Variants in MUCL1 observed in about 807,000 individuals in gnomAD.
The protein encoded by MUCL1 is mucin-like protein 1.
A neutral mutation model predicts 9.2 loss-of-function variants in MUCL1; 11 were observed. That is an observed-to-expected ratio of 1.19 (90% CI 0.75 to 1.97). The LOEUF is 1.97. Ranked by LOEUF, MUCL1 falls within the 30% of genes most tolerant of loss-of-function variation. The pLI is 0.00. For missense variants in MUCL1, 144 were observed against 110.9 expected, an observed-to-expected ratio of 1.30 and a Z score of -1.34; for synonymous variants, 48 against 40.5, an observed-to-expected ratio of 1.19 and a Z score of -0.71.
At chr12:54,853,009 C>A (rs1014692102), upstream of MUCL1, among the ~76,000 whole-genome samples, 1 of 152,050 alleles carries the variant, frequency 6.6e-6, no homozygotes, top group African/African-American at 2.4e-5. Flanking sequence ...GGTTGAAGAC[C>A]ACTCCCTCAA....
At chr12:54,836,819 A>G (rs925309231), upstream of MUCL1, among the ~76,000 whole-genome samples, 1 of 152,138 alleles carries the variant, frequency 6.6e-6, no homozygotes, top group African/African-American at 2.4e-5. Context: ...TTGAATTTTC[A>G]TCTTGATTTC....
chr12:54,846,338 C>T (rs56881338), intron 1 of MUCL1, among the ~76,000 whole-genome samples: 6,677 of 152,268 alleles, frequency 0.044, 172 homozygotes, highest in Middle Eastern at 0.11. Flanking sequence ...TGCCCGTCTG[C>T]ATGTTCCTCC....
At chr12:54,839,125 T>C (rs1382253621), upstream of MUCL1, among the ~76,000 whole-genome samples, 1 of 151,752 alleles carries the variant, frequency 6.6e-6, no homozygotes, top group Non-Finnish European at 1.5e-5. Context: ...ATTGAGGATG[T>C]GACCTTATCA....
rs570134637 is a variant in MUCL1, at chr12:54,843,482, G to A, written c.43+4035G>A. ...CTGAAACCTGCATTTATGTTAGATG[G>A]TATGGAAAGGTGTGATTAAGGTCGC... is the stretch of plus-strand genomic sequence containing the variant. On this transcript the variant is annotated intron_variant, in intron 1 of 3. Transcript: ENST00000546809. 1.8e-4 allele frequency among the ~76,000 whole-genome samples: 28 copies of A among 152,310 alleles called. No homozygotes were observed. The South Asian group carries it at 4.3e-3, about 24-fold the overall frequency.
upstream of MUCL1, among the ~76,000 whole-genome samples, chr12:54,839,215 G>A (rs1041575986): frequency 6.6e-6 from 1 of 152,154 alleles, no homozygotes; most frequent in Non-Finnish European, 1.5e-5. Context: ...GTTATAGAGA[G>A]TCTTTGTATA....
At chr12:54,833,393 A>G (rs1959187932) in intron 1 of MUCL1, among the ~76,000 whole-genome samples, 1 of 152,178 alleles carries the variant, frequency 6.6e-6, no homozygotes, top group Admixed American at 6.5e-5. Context: ...ATATCTTTAC[A>G]GTTATATACA....
chr12:54,838,800 C>T (rs1184304721), upstream of MUCL1, among the ~76,000 whole-genome samples: 1 of 151,980 alleles, frequency 6.6e-6, no homozygotes. Flanking sequence ...ATATCTATCT[C>T]TTTAGAAAAT....
upstream of MUCL1, among the ~76,000 whole-genome samples, chr12:54,852,818 T>C (rs1868265221): frequency 1.3e-5 from 2 of 152,198 alleles, no homozygotes; most frequent in Admixed American, 6.5e-5. Flanking sequence ...AGATAGTATC[T>C]GTCTTTTAAG....
At chr12:54,846,002 A>C (rs1959248256) in intron 1 of MUCL1, among the ~76,000 whole-genome samples, 1 of 152,144 alleles carries the variant, frequency 6.6e-6, no homozygotes, top group Non-Finnish European at 1.5e-5. Flanking sequence ...CTGCAAAAAA[A>C]ACTTGTAGCT....
chr12:54,854,313 A>G (rs531635635), upstream of MUCL1, among the ~76,000 whole-genome samples: 28 of 152,304 alleles, frequency 1.8e-4, 1 homozygote, highest in Admixed American at 1.7e-3. Flanking sequence ...CATATTTAAC[A>G]TGAGAGACTC....
intron 1 of MUCL1, among the ~76,000 whole-genome samples, chr12:54,831,726 A>G (rs1311051818): frequency 1.3e-5 from 2 of 152,152 alleles, no homozygotes; most frequent in African/African-American, 2.4e-5. Context: ...TTTATACAGT[A>G]TAAAGAGACT....
chr12:54,855,167 C>A lies in MUCL1; in HGVS notation c.100+10C>A. ...GACACGTATCCAGCTAGTGAGTCTG[C>A]ACTTGAATGTCATCTCTTTCCAGCA... On this transcript the variant is annotated intron_variant, in intron 2 of 3. Transcript: ENST00000308796. The A allele has an allele frequency of 1.2e-6, 2 of 1,612,104 alleles. No homozygotes were observed. The highest frequency in any genetic ancestry group is 1.1e-5 in the South Asian group (1 of 91,016).
chr12:54,835,810 CT>C (rs1416309451), upstream of MUCL1, among the ~76,000 whole-genome samples: 1 of 152,030 alleles, frequency 6.6e-6, no homozygotes, highest in Non-Finnish European at 1.5e-5. Flanking sequence ...TGATTGAATG[CT>C]TTTTCTGTGT....
chr12:54,834,663 C>T (rs1959189960), upstream of MUCL1, among the ~76,000 whole-genome samples: 1 of 151,884 alleles, frequency 6.6e-6, no homozygotes, highest in African/African-American at 2.4e-5. Flanking sequence ...AATACAGTAT[C>T]ATTAATCATA....
upstream of MUCL1, among the ~76,000 whole-genome samples, chr12:54,852,870 C>G (rs1868265790): frequency 6.6e-6 from 1 of 152,144 alleles, no homozygotes. Context: ...TTCTCTTTCA[C>G]TTTTCCTTCA....
intron 1 of MUCL1, among the ~76,000 whole-genome samples, chr12:54,832,281 T>C (rs1959186352): frequency 6.6e-6 from 1 of 152,096 alleles, no homozygotes; most frequent in South Asian, 2.1e-4. Flanking sequence ...TATGGCTTTC[T>C]TTCTGTTAAA....
chr12:54,841,188 A>G (rs578039378), intron 1 of MUCL1, among the ~76,000 whole-genome samples: 5 of 152,326 alleles, frequency 3.3e-5, no homozygotes, highest in Admixed American at 6.5e-5. Flanking sequence ...TAGCCTAAAT[A>G]ATACATACAT....
At chr12:54,850,414 G>C (rs547718254), upstream of MUCL1, among the ~76,000 whole-genome samples, 1 of 151,234 alleles carries the variant, frequency 6.6e-6, no homozygotes, top group Non-Finnish European at 1.5e-5. Flanking sequence ...ACGGTGTTTG[G>C]TTTTTTGTCC....
chr12:54,855,768 T>A (rs1868294018), intron 2 of MUCL1, among the ~76,000 whole-genome samples: 1 of 152,258 alleles, frequency 6.6e-6, no homozygotes, highest in Non-Finnish European at 1.5e-5. Context: ...GTGTGTGTGT[T>A]GTGCCCATGC....
Sources: gnomAD v4.1 joint callset for allele counts (sites outside exome capture counted in the v4.1 genomes callset) on GRCh38, gnomAD v4.1.1 for gene constraint, MANE v1.5 for transcripts, NCBI Gene and HGNC (gene_info 2026-07-23, HGNC 2026-07-21) for gene names.